Variants in WDPCP observed in about 807,000 individuals in gnomAD.
WDPCP encodes the protein WD repeat containing planar cell polarity effector.
WDPCP carries 71 observed loss-of-function variants against 93.1 expected under a neutral mutation model. The observed-to-expected ratio is 0.76, with a 90% CI of 0.63 to 0.93. WDPCP has a LOEUF of 0.93. Among genes scored for constraint, WDPCP ranks in the 40% least tolerant of loss-of-function variants. WDPCP has a pLI of 0.00. For missense variants in WDPCP, 844 were observed against 887.4 expected (o/e 0.95, Z 0.62); for synonymous variants, 315 against 315.0 (o/e 1.00, Z 0.00).
intron 1 of WDPCP, among the ~76,000 whole-genome samples, chr2:63,813,939 A>G (rs1444010645): frequency 6.6e-6 from 1 of 152,258 alleles, no homozygotes; most frequent in East Asian, 1.9e-4. Context: ...TGTATTCCAT[A>G]TCATAGATAT....
chr2:63,376,705 G>C (rs1015160301), intron 12 of WDPCP, among the ~76,000 whole-genome samples: 2 of 151,812 alleles, frequency 1.3e-5, no homozygotes, highest in African/African-American at 4.8e-5. Context: ...ATTAACCCCA[G>C]CACTTTTACC....
chr2:63,372,453 A>G (rs570666915), intron 12 of WDPCP, among the ~76,000 whole-genome samples: 3 of 152,292 alleles, frequency 2.0e-5, no homozygotes, highest in South Asian at 4.1e-4. Context: ...TTAATTGTGG[A>G]GTAAATAAAA....
intron 13 of WDPCP, among the ~76,000 whole-genome samples, chr2:63,259,957 C>A (rs1180711420): frequency 6.6e-6 from 1 of 152,062 alleles, no homozygotes; most frequent in Non-Finnish European, 1.5e-5. Flanking sequence ...GGGAGAGAGA[C>A]CACTGTAAAC....
At chr2:63,737,879 C>T (rs925215693) in intron 2 of WDPCP, among the ~76,000 whole-genome samples, 1 of 151,978 alleles carries the variant, frequency 6.6e-6, no homozygotes, top group Non-Finnish European at 1.5e-5. Flanking sequence ...TTTTTAAGCA[C>T]ACATGATTTT....
intron 14 of WDPCP, among the ~76,000 whole-genome samples, chr2:63,204,026 C>G (rs1676127650): frequency 6.6e-6 from 1 of 152,170 alleles, no homozygotes; most frequent in African/African-American, 2.4e-5. Context: ...GTGCAGATAT[C>G]TCTTTGATAG....
chr2:63,587,334 C>T (rs1708925359), intron 1 of WDPCP, among the ~76,000 whole-genome samples: 1 of 152,002 alleles, frequency 6.6e-6, no homozygotes, highest in Non-Finnish European at 1.5e-5. Context: ...GAACTGAGAA[C>T]CAGTAACAAA....
At chr2:63,697,048 A>G (rs1307521078) in intron 2 of WDPCP, among the ~76,000 whole-genome samples, 3 of 152,240 alleles carry the variant, frequency 2.0e-5, no homozygotes, top group Admixed American at 6.5e-5. Context: ...TTGACTAAAT[A>G]AATTACGCCA....
intron 3 of WDPCP, among the ~76,000 whole-genome samples, chr2:63,637,853 A>C (rs2106634356): frequency 6.6e-6 from 1 of 152,370 alleles, no homozygotes; most frequent in African/African-American, 2.4e-5. Context: ...AAATTGGTAT[A>C]GCTACTATAG....
At chr2:63,441,305 C>A (rs1305250963) in intron 6 of WDPCP, 1 of 151,950 alleles carries the variant, frequency 6.6e-6, no homozygotes, top group African/African-American at 2.4e-5. Context: ...TTGAAGAATC[C>A]CCCCATAGCA....
chr2:63,674,996 T>C (rs1367637863), intron 2 of WDPCP, among the ~76,000 whole-genome samples: 1 of 152,188 alleles, frequency 6.6e-6, no homozygotes, highest in Non-Finnish European at 1.5e-5. Flanking sequence ...AGCAGCCTCT[T>C]GTTCTTATGC....
intron 2 of WDPCP, among the ~76,000 whole-genome samples, chr2:63,757,463 C>A (rs1669987068): frequency 6.6e-6 from 1 of 152,108 alleles, no homozygotes; most frequent in African/African-American, 2.4e-5. Flanking sequence ...AGAAGCAGAT[C>A]ATGATTAGAA....
intron 6 of WDPCP, among the ~76,000 whole-genome samples, chr2:63,456,323 G>A (rs1338609907): frequency 6.6e-6 from 1 of 151,964 alleles, no homozygotes; most frequent in East Asian, 1.9e-4. Flanking sequence ...AGGCTGAAGT[G>A]GGAGGATCAC....
At chr2:63,682,242 G>C (rs1668720716) in intron 2 of WDPCP, among the ~76,000 whole-genome samples, 2 of 152,192 alleles carry the variant, frequency 1.3e-5, no homozygotes, top group Non-Finnish European at 1.5e-5. Context: ...TTTTCAGACA[G>C]AGAATTCAAA....
chr2:63,713,391 A>G (rs113792145), intron 2 of WDPCP, among the ~76,000 whole-genome samples: 2,611 of 152,178 alleles, frequency 0.017, 26 homozygotes, highest in African/African-American at 0.019. Flanking sequence ...GTCTCCTACA[A>G]CCTTTCATTG....
chr2:63,259,792 A>G (rs1575001640), intron 13 of WDPCP, among the ~76,000 whole-genome samples: 1 of 152,182 alleles, frequency 6.6e-6, no homozygotes, highest in Non-Finnish European at 1.5e-5. Context: ...AAGGGATACT[A>G]AACAGATTTG....
intron 1 of WDPCP, among the ~76,000 whole-genome samples, chr2:63,542,556 T>C (rs1056699932): frequency 7.2e-5 from 11 of 152,252 alleles, no homozygotes; most frequent in African/African-American, 2.7e-4. Context: ...CTCCAACTAT[T>C]ACAAAAATAG....
intron 13 of WDPCP, among the ~76,000 whole-genome samples, chr2:63,289,265 A>C (rs1387024759): frequency 6.6e-6 from 1 of 152,044 alleles, no homozygotes; most frequent in Non-Finnish European, 1.5e-5. Context: ...TCATTTTCTA[A>C]TTCTATCTTT....
At chr2:63,619,509 C>G (rs1440794185) in intron 3 of WDPCP, among the ~76,000 whole-genome samples, 1 of 152,170 alleles carries the variant, frequency 6.6e-6, no homozygotes, top group East Asian at 1.9e-4. Context: ...CATTGCCTCC[C>G]TTTGAACTTA....
intron 6 of WDPCP, among the ~76,000 whole-genome samples, chr2:63,469,107 C>T (rs1699536435): frequency 6.6e-6 from 1 of 151,708 alleles, no homozygotes; most frequent in African/African-American, 2.4e-5. Flanking sequence ...AGCTCAATAT[C>T]GCTGAGCATT....
Sources: allele counts gnomAD v4.1 joint callset (sites outside exome capture counted in the v4.1 genomes callset), GRCh38; gene constraint gnomAD v4.1.1; transcripts MANE v1.5; gene names NCBI Gene and HGNC (gene_info 2026-07-23, HGNC 2026-07-21).